The following PTPRD variants were observed in gnomAD, a reference collection of about 807,000 sequenced individuals.
PTPRD encodes the protein protein tyrosine phosphatase receptor type D, also known as receptor-type tyrosine-protein phosphatase delta.
A neutral mutation model predicts 214.5 loss-of-function variants in PTPRD; 34 were observed. The ratio of observed to expected loss-of-function variants is 0.16; its 90% CI spans 0.12 to 0.21. The LOEUF is 0.21. Ranked by LOEUF, PTPRD falls within the 10% of genes least tolerant of loss-of-function variation. The pLI is 1.00. For synonymous variants in PTPRD, 1,128 were observed against 845.7 expected (o/e 1.33, Z -5.79); for missense variants, 2,545 against 2,398.7 (o/e 1.06, Z -1.27).
At chr9:9,015,948 G>T (rs2099533210) in intron 11 of PTPRD, among the ~76,000 whole-genome samples, 1 of 152,050 alleles carries the variant, frequency 6.6e-6, no homozygotes, top group African/African-American at 2.4e-5. Flanking sequence ...AAGTAGAGTT[G>T]GGTCTTCTCT....
chr9:10,208,533 A>G (rs2099497913), intron 3 of PTPRD, among the ~76,000 whole-genome samples: 1 of 152,092 alleles, frequency 6.6e-6, no homozygotes, highest in South Asian at 2.1e-4. Context: ...AAAGACTAAA[A>G]CCGCTTGAAC....
At chr9:9,934,226 A>G (rs1311208302) in intron 5 of PTPRD, among the ~76,000 whole-genome samples, 1 of 148,906 alleles carries the variant, frequency 6.7e-6, no homozygotes, top group African/African-American at 2.6e-5. Context: ...AATAAGTAAG[A>G]TCAGAGCAGA....
chr9:10,442,406 G>C (rs1171858441), intron 2 of PTPRD, among the ~76,000 whole-genome samples: 1 of 151,580 alleles, frequency 6.6e-6, no homozygotes, highest in East Asian at 1.9e-4. Flanking sequence ...AAAGGTAGGA[G>C]AATGTTACAG....
At chr9:9,445,728 C>G (rs747280200) in intron 8 of PTPRD, among the ~76,000 whole-genome samples, 3 of 152,152 alleles carry the variant, frequency 2.0e-5, no homozygotes, top group Non-Finnish European at 2.9e-5. Context: ...ATGATTCCCT[C>G]TCCTGACACG....
chr9:10,059,329 C>T (rs566432097), intron 3 of PTPRD, among the ~76,000 whole-genome samples: 1 of 152,066 alleles, frequency 6.6e-6, no homozygotes, highest in African/African-American at 2.4e-5. Flanking sequence ...GCATAGCAAC[C>T]TCGGGTAAAT....
chr9:9,812,344 A>T (rs1204994959), intron 5 of PTPRD, among the ~76,000 whole-genome samples: 1 of 152,134 alleles, frequency 6.6e-6, no homozygotes, highest in African/African-American at 2.4e-5. Flanking sequence ...TTTAATTGTA[A>T]ACAGATGAAA....
chr9:8,328,113 C>A (rs184799908), intron 44 of PTPRD, among the ~76,000 whole-genome samples: 1 of 152,108 alleles, frequency 6.6e-6, no homozygotes, highest in South Asian at 2.1e-4. Flanking sequence ...TTCCCAGCAT[C>A]GATGGTCTTT....
At chr9:9,640,629 A>C (rs2095909229) in intron 7 of PTPRD, among the ~76,000 whole-genome samples, 1 of 152,232 alleles carries the variant, frequency 6.6e-6, no homozygotes, top group Non-Finnish European at 1.5e-5. Flanking sequence ...TCTAATCATT[A>C]GAAGAATTTT....
chr9:10,243,463 A>C (rs1000240547), intron 3 of PTPRD, among the ~76,000 whole-genome samples: 1 of 151,998 alleles, frequency 6.6e-6, no homozygotes, highest in Non-Finnish European at 1.5e-5. Flanking sequence ...ATAACACTAC[A>C]GATTTATATT....
At chr9:9,193,901 T>C (rs2099936721) in intron 9 of PTPRD, among the ~76,000 whole-genome samples, 1 of 152,160 alleles carries the variant, frequency 6.6e-6, no homozygotes, top group African/African-American at 2.4e-5. Flanking sequence ...AACCTTAGAT[T>C]ACTGTAACTT....
chr9:9,375,527 C>T (rs1414271239), intron 9 of PTPRD, among the ~76,000 whole-genome samples: 7 of 151,992 alleles, frequency 4.6e-5, no homozygotes, highest in African/African-American at 1.4e-4. Context: ...ACCTGGGAGG[C>T]GGAGGCTGCA....
intron 11 of PTPRD, among the ~76,000 whole-genome samples, chr9:8,783,153 G>A (rs777541223): frequency 1.2e-4 from 18 of 151,940 alleles, no homozygotes; most frequent in East Asian, 1.9e-4. Context: ...GAATCATAAC[G>A]AAGAACGGAA....
chr9:9,497,172 G>A (rs1380642872), intron 8 of PTPRD, among the ~76,000 whole-genome samples: 2 of 152,102 alleles, frequency 1.3e-5, no homozygotes, highest in East Asian at 3.9e-4. Flanking sequence ...GGTGGATGGT[G>A]GTGATAGCTG....
intron 5 of PTPRD, among the ~76,000 whole-genome samples, chr9:9,892,097 T>C (rs1250307818): frequency 6.6e-6 from 1 of 152,138 alleles, no homozygotes; most frequent in African/African-American, 2.4e-5. Context: ...ATTTATTGAA[T>C]GCCTACCAGG....
chr9:9,886,971 A>T (rs1039578865), intron 5 of PTPRD, among the ~76,000 whole-genome samples: 1 of 152,040 alleles, frequency 6.6e-6, no homozygotes, highest in African/African-American at 2.4e-5. Context: ...CACTGTCCCC[A>T]AACACCTCCC....
At chr9:8,445,079 T>C (rs1590687475) in intron 34 of PTPRD, among the ~76,000 whole-genome samples, 4 of 152,174 alleles carry the variant, frequency 2.6e-5, no homozygotes, top group Admixed American at 6.5e-5. Context: ...ACCTCTCTCT[T>C]TTACTTATTT....
At chr9:9,023,392 T>C (rs1017399826) in intron 10 of PTPRD, among the ~76,000 whole-genome samples, 3 of 152,228 alleles carry the variant, frequency 2.0e-5, no homozygotes, top group African/African-American at 7.2e-5. Context: ...TTGCACACTT[T>C]GCTGAATATG....
chr9:9,087,909 CAG>C lies in PTPRD; in HGVS notation c.-142-69176_-142-69175del, dbSNP rs1236232689. 1.0e-4 allele frequency among the ~76,000 whole-genome samples: 6 copies of C among 59,644 alleles called. No individual in the cohort carries two copies. The Admixed American group carries it at 1.6e-3, about 16-fold the overall frequency. The allele number at this position is 59,644 out of a possible 152,430, so 39.1% of individuals were successfully genotyped here. A position where few individuals can be genotyped will look rare whatever the true frequency, so the allele number is the denominator to read the frequency against. On this transcript the variant is annotated intron_variant, in intron 10 of 45. Coordinates refer to ENST00000381196, the MANE Select transcript of PTPRD (RefSeq NM_002839.4). ...TTTTTTTTTTTTTTTTTTTTTGAGA[CAG>C]AGTCTCACTCTGTTGCCTAGGCTAG...
chr9:10,249,528 G>A (rs958329553), intron 3 of PTPRD, among the ~76,000 whole-genome samples: 2 of 152,140 alleles, frequency 1.3e-5, no homozygotes, highest in African/African-American at 4.8e-5. Context: ...TGTCTGACAG[G>A]AGCAAAGGAT....
Sources: gnomAD v4.1 joint callset for allele counts (sites outside exome capture counted in the v4.1 genomes callset) on GRCh38, gnomAD v4.1.1 for gene constraint, MANE v1.5 for transcripts, NCBI Gene and HGNC (gene_info 2026-07-23, HGNC 2026-07-21) for gene names.